Variants in LRP12 observed in about 807,000 individuals in gnomAD.
LRP12 encodes low-density lipoprotein receptor-related protein 12.
A neutral mutation model predicts 66.0 loss-of-function variants in LRP12; 14 were observed. The observed-to-expected ratio is 0.21, with a 90% CI of 0.14 to 0.33. The LOEUF is 0.33. Ranked by LOEUF, LRP12 falls within the 10% of genes least tolerant of loss-of-function variation. The probability of loss-of-function intolerance (pLI) is 1.00; values close to 1 mark genes in which losing one functional copy is unlikely to be tolerated. For missense variants in LRP12, 889 were observed against 1,053.4 expected (o/e 0.84, Z 2.16); for synonymous variants, 357 against 359.1 (o/e 0.99, Z 0.07).
At chr8:104,498,614 T>C (rs1389026364) in intron 4 of LRP12, among the ~76,000 whole-genome samples, 1 of 152,206 alleles carries the variant, frequency 6.6e-6, no homozygotes, top group Non-Finnish European at 1.5e-5. Flanking sequence ...CAACATTTTC[T>C]TTACCCAGTC....
intron 2 of LRP12, among the ~76,000 whole-genome samples, chr8:104,519,652 T>A (rs1219297214): frequency 6.6e-6 from 1 of 151,906 alleles, no homozygotes; most frequent in African/African-American, 2.4e-5. Flanking sequence ...TGGGAAAGGT[T>A]TTAACTATGA....
intron 1 of LRP12, among the ~76,000 whole-genome samples, chr8:104,573,335 C>A (rs775622266): frequency 3.3e-5 from 5 of 152,180 alleles, no homozygotes; most frequent in Non-Finnish European, 7.3e-5. Flanking sequence ...TGACAGAATA[C>A]AGGAGTCCTA....
At chr8:104,518,856 G>A (rs1450242301) in intron 2 of LRP12, among the ~76,000 whole-genome samples, 1 of 151,964 alleles carries the variant, frequency 6.6e-6, no homozygotes, top group Non-Finnish European at 1.5e-5. Flanking sequence ...GGAGGCTGAG[G>A]GAGACATTTC....
At chr8:104,528,244 A>T (rs893909372) in intron 2 of LRP12, among the ~76,000 whole-genome samples, 5 of 152,186 alleles carry the variant, frequency 3.3e-5, no homozygotes, top group African/African-American at 4.8e-5. Flanking sequence ...GCAGAGGTGA[A>T]AAGAGCAGGG....
intron 2 of LRP12, among the ~76,000 whole-genome samples, chr8:104,512,485 T>C (rs754641849): frequency 3.3e-4 from 50 of 152,194 alleles, no homozygotes; most frequent in Non-Finnish European, 5.7e-4. Flanking sequence ...AAGAGACTAA[T>C]ACAATTTTGA....
In LRP12 at chr8:104,497,909, A is replaced by G; in HGVS notation, c.643T>C (p.Cys215Arg). ...AAACACTGGAACTGGTTGTAAGCAC[A>G]GGGTTGAAAAGCAGCAGCAGTTGGA... ...NPPTAAAFQP[C>R]AYNQFQCLSR... The change falls in exon 5 of 7, where the codon TGT (cysteine) becomes CGT (arginine). Residue 215 changes from cysteine (C) to arginine (R), a missense_variant. Transcript: ENST00000276654. This position sits in a 1 kb window ranked among gnomAD's most constrained non-coding sequence, Gnocchi z 4.3. 2.5e-6 allele frequency: 4 copies of G among 1,614,206 alleles called. No individual in the cohort carries two copies. The highest frequency in any genetic ancestry group is 1.7e-5 in the Admixed American group (1 of 60,018).
chr8:104,547,529 T>C (rs1392741507), intron 1 of LRP12, among the ~76,000 whole-genome samples: 1 of 125,492 alleles, frequency 8.0e-6, no homozygotes, highest in South Asian at 2.3e-4. Flanking sequence ...ATAATTGTTA[T>C]ATTTTGTATA....
intron 2 of LRP12, among the ~76,000 whole-genome samples, chr8:104,509,385 CT>C (rs1810959228): frequency 6.6e-6 from 1 of 152,122 alleles, no homozygotes; most frequent in Admixed American, 6.6e-5. Flanking sequence ...ATAAATAATT[CT>C]TAAGTTTTAA....
chr8:104,492,848 T>TAA (rs532270334), intron 6 of LRP12, among the ~76,000 whole-genome samples: 3,552 of 144,180 alleles, frequency 0.025, 98 homozygotes, highest in African/African-American at 0.066. Flanking sequence ...AACTACAAAT[T>TAA]AAAAAAAAAA....
At chr8:104,541,049 G>C (rs1018504026) in intron 1 of LRP12, among the ~76,000 whole-genome samples, 11 of 152,168 alleles carry the variant, frequency 7.2e-5, no homozygotes, top group African/African-American at 2.4e-4. Flanking sequence ...ATTCTTAATG[G>C]ACCTTTGGGA....
At chr8:104,508,558 G>A (rs1588486343) in intron 3 of LRP12, 1 of 162,962 alleles carries the variant, frequency 6.1e-6, no homozygotes, top group African/African-American at 2.4e-5. Flanking sequence ...TTAGGTAGAA[G>A]GCTCTACTAA....
intron 2 of LRP12, among the ~76,000 whole-genome samples, chr8:104,530,449 GA>G (rs1811308958): frequency 6.6e-6 from 1 of 152,108 alleles, no homozygotes; most frequent in Non-Finnish European, 1.5e-5. Flanking sequence ...AACATTCATA[GA>G]AAAAAGGCCA....
chr8:104,522,828 CAAG>C (rs1337933448), intron 2 of LRP12, among the ~76,000 whole-genome samples: 1 of 150,746 alleles, frequency 6.6e-6, no homozygotes, highest in Non-Finnish European at 1.5e-5. Flanking sequence ...GGCCATGAAT[CAAG>C]AAGAAAAGAA....
At chr8:104,515,506 G>A (rs1295316489) in intron 2 of LRP12, among the ~76,000 whole-genome samples, 1 of 152,106 alleles carries the variant, frequency 6.6e-6, no homozygotes, top group African/African-American at 2.4e-5. Context: ...TAAAATTACT[G>A]CTTGGTTTTT....
rs775872030 is a variant in LRP12, at chr8:104,497,807, C to G, written c.745G>C (p.Gly249Arg). ...CDGNIDCLDL[G>R]DEIDCDVPTC... The stretch of plus-strand genomic sequence containing the variant: ...GGCACATCACAGTCTATCTCATCTC[C>G]TAGGTCAAGGCAGTCAATGTTCCCA... The change falls in exon 5 of 7, where the codon GGA becomes CGA. Residue 249 changes from glycine to arginine, a missense_variant. Gly to Arg is a moderately radical substitution (Grantham distance 125). Coordinates refer to ENST00000276654, the MANE Select transcript of LRP12 (RefSeq NM_013437.5). This position sits in a 1 kb window ranked among gnomAD's most constrained non-coding sequence, Gnocchi z 4.3. 1 of 1,614,192 alleles carries G rather than the reference C, an allele frequency of 6.2e-7. No homozygotes were observed. The highest frequency in any genetic ancestry group is 1.1e-5 in the South Asian group (1 of 91,082).
At chr8:104,500,529 C>G (rs1023504467) in intron 3 of LRP12, among the ~76,000 whole-genome samples, 4 of 151,884 alleles carry the variant, frequency 2.6e-5, no homozygotes, top group African/African-American at 9.7e-5. Flanking sequence ...ATGATGAAAC[C>G]CCGTCTCTAC....
chr8:104,535,935 A>C (rs1811387308), intron 1 of LRP12, among the ~76,000 whole-genome samples: 1 of 152,142 alleles, frequency 6.6e-6, no homozygotes, highest in Non-Finnish European at 1.5e-5. Context: ...TTGAAAGAAA[A>C]ACATTGGTTT....
In LRP12 at chr8:104,495,085, G is replaced by A. The variant is rs779885216; in HGVS notation, c.1705C>T (p.Pro569Ser). The A allele has an allele frequency of 3.7e-6, 6 of 1,613,290 alleles. No individual in the cohort carries two copies. The African/African-American group carries it at 5.3e-5, about 14-fold the overall frequency. Residue 569 changes from proline to serine, a missense_variant, in exon 6 of 7, where the codon CCT becomes TCT. Transcript: ENST00000276654. ...PPVEDFPVCS[P>S]NQASVLENLR... ...TACACATTGCAATATACCTGATTAGGTGAACAAACAGGAAAATCTTCAACT... is the reference window on the plus strand; with the variant it reads ...TACACATTGCAATATACCTGATTAGATGAACAAACAGGAAAATCTTCAACT...
intron 2 of LRP12, among the ~76,000 whole-genome samples, chr8:104,517,557 G>A (rs970456161): frequency 1.3e-5 from 2 of 151,954 alleles, no homozygotes; most frequent in African/African-American, 4.8e-5. Flanking sequence ...CACCTAAAAA[G>A]CAATTATAAA....
Sources: allele counts gnomAD v4.1 joint callset (sites outside exome capture counted in the v4.1 genomes callset), GRCh38; gene constraint gnomAD v4.1.1; non-coding constraint Gnocchi (gnomAD v3.1); transcripts MANE v1.5; gene names NCBI Gene and HGNC (gene_info 2026-07-23, HGNC 2026-07-21).